The following DNAH3 variants were observed in gnomAD, a reference collection of about 807,000 sequenced individuals.
DNAH3 encodes the protein axonemal beta dynein heavy chain 3.
Under a neutral mutation model 432.5 loss-of-function variants are expected in DNAH3, and 332 were observed. That is an observed-to-expected ratio of 0.77 (90% CI 0.70 to 0.84). DNAH3 has a LOEUF of 0.84. Ranked by LOEUF, DNAH3 falls within the 40% of genes least tolerant of loss-of-function variation. The probability of loss-of-function intolerance (pLI) is 0.00; values close to 1 mark genes in which losing one functional copy is unlikely to be tolerated. For synonymous variants in DNAH3, 1,956 were observed against 1,900.2 expected (o/e 1.03, Z -0.76); for missense variants, 4,861 against 5,114.0 (o/e 0.95, Z 1.51).
exon 43 of DNAH3, chr16:21,000,283 T>C: frequency 1.2e-6 from 2 of 1,614,132 alleles, no homozygotes; most frequent in African/African-American, 1.3e-5. Flanking sequence ...CCGTCGTCGA[T>C]CCAGCTTGGA....
intron 42 of DNAH3, among the ~76,000 whole-genome samples, chr16:21,001,823 G>A (rs1032994710): frequency 1.6e-4 from 24 of 152,160 alleles, no homozygotes; most frequent in African/African-American, 2.4e-5. Flanking sequence ...CTAAGACTGG[G>A]AGTTTAAAGC....
chr16:21,033,982 A>C lies in DNAH3; in HGVS notation c.5189T>G (p.Leu1730Ter). The C allele has an allele frequency of 6.2e-7, 1 of 1,613,170 alleles. No individual in the cohort carries two copies. ...AGGGATGTGAGCTTTACCTGCGTGTAAATCGCCGAGAGCTGCAGCCAACAC... is the reference window on the plus strand; with the variant it reads ...AGGGATGTGAGCTTTACCTGCGTGTCAATCGCCGAGAGCTGCAGCCAACAC... The change falls in exon 36 of 62, where the codon TTA becomes TGA. Residue 1730 changes from leucine to a stop codon, truncating the protein, a stop_gained. Transcript: ENST00000261383. LOFTEE classifies it high-confidence loss of function.
chr16:21,054,583 G>T, intron 27 of DNAH3, 49 bp from the exon 28 acceptor site: 2 of 1,393,360 alleles, frequency 1.4e-6, no homozygotes, highest in Non-Finnish European at 1.0e-6. Flanking sequence ...ACTCTCCTCT[G>T]GTAATCCCCA....
chr16:21,001,779 A>G (rs1324446260), intron 42 of DNAH3, among the ~76,000 whole-genome samples: 1 of 152,234 alleles, frequency 6.6e-6, no homozygotes, highest in African/African-American at 2.4e-5. Context: ...GTGAGGCTAA[A>G]TGCAGAACTA....
exon 46 of DNAH3, chr16:20,987,845 C>T (rs139680994): frequency 7.2e-5 from 117 of 1,613,996 alleles, no homozygotes; most frequent in Non-Finnish European, 9.1e-5. Context: ...AGCATCTTTC[C>T]GTACCTTGGG....
At chr16:21,146,075 T>C in exon 2 of DNAH3, 1 of 1,612,216 alleles carries the variant, frequency 6.2e-7, no homozygotes, top group Non-Finnish European at 8.5e-7. Context: ...ATGTATGGAG[T>C]CACTTTTGGC....
chr16:21,137,423 C>CTT lies in DNAH3; in HGVS notation c.697-912_697-911dup, dbSNP rs560633047. 2.8e-3 allele frequency among the ~76,000 whole-genome samples: 378 copies of CTT among 137,236 alleles called. 3 individuals carry two copies. The highest frequency in any genetic ancestry group is 8.5e-3 in the East Asian group (40 of 4,682). 90.0% of individuals were successfully genotyped at this position (137,236 alleles called of 152,430 possible). A position where few individuals can be genotyped will look rare whatever the true frequency, so the allele number is the denominator to read the frequency against. On this transcript the variant is annotated intron_variant, in intron 5 of 61. Transcript: ENST00000261383. ...CCAAAGTCCAAGATCTATTGTTGTTCTTTTTTTTTTTTTTTTGACACAGAA... is the reference window on the plus strand; with the variant it reads ...CCAAAGTCCAAGATCTATTGTTGTTCTTTTTTTTTTTTTTTTTTGACACAGAA...
chr16:21,117,234 C>G (rs79106276), exon 12 of DNAH3: 2 of 1,609,592 alleles, frequency 1.2e-6, no homozygotes, highest in African/African-American at 2.7e-5. Flanking sequence ...TTCTGAAATA[C>G]CTTGAAAGTT....
chr16:21,099,084 TATTC>T (rs1312546463), intron 16 of DNAH3, among the ~76,000 whole-genome samples: 1 of 152,228 alleles, frequency 6.6e-6, no homozygotes, highest in Non-Finnish European at 1.5e-5. Flanking sequence ...ACATACTGTT[TATTC>T]ATTCAGCCAT....
At chr16:20,938,298 T>G (rs887869508) in intron 59 of DNAH3, among the ~76,000 whole-genome samples, 36 of 151,514 alleles carry the variant, frequency 2.4e-4, no homozygotes, top group African/African-American at 7.8e-4. Flanking sequence ...GGCAGGAGAA[T>G]CGCTTGAACC....
intron 44 of DNAH3, among the ~76,000 whole-genome samples, chr16:20,993,157 C>T (rs1283678180): frequency 6.6e-6 from 1 of 152,126 alleles, no homozygotes; most frequent in Non-Finnish European, 1.5e-5. Context: ...TGAGCCACTG[C>T]CCCCAGCCCT....
At chr16:21,139,776 C>CTTTTTT (rs71275930) in intron 5 of DNAH3, among the ~76,000 whole-genome samples, 81 of 86,160 alleles carry the variant, frequency 9.4e-4, no homozygotes, top group East Asian at 1.6e-3. Context: ...CCACCTCATT[C>CTTTTTT]TTTTTTTTTT....
At chr16:20,977,890 T>C (rs2085669091) in intron 50 of DNAH3, among the ~76,000 whole-genome samples, 1 of 152,202 alleles carries the variant, frequency 6.6e-6, no homozygotes, top group Non-Finnish European at 1.5e-5. Context: ...CAGACTTCAC[T>C]TTCAACATCT....
chr16:20,984,511 T>G (rs191940439), intron 48 of DNAH3, among the ~76,000 whole-genome samples: 147 of 152,234 alleles, frequency 9.7e-4, no homozygotes, highest in Non-Finnish European at 1.8e-3. Context: ...AAACCCGAGA[T>G]GTCATTCTGT....
intron 58 of DNAH3, among the ~76,000 whole-genome samples, chr16:20,944,135 G>A (rs2083935286): frequency 6.6e-6 from 1 of 150,536 alleles, no homozygotes; most frequent in Admixed American, 6.6e-5. Flanking sequence ...GTTCTGATGT[G>A]CAATCTTTTA....
intron 16 of DNAH3, among the ~76,000 whole-genome samples, chr16:21,099,718 CA>C (rs930888471): frequency 1.3e-5 from 2 of 151,610 alleles, no homozygotes; most frequent in Non-Finnish European, 2.9e-5. Context: ...ACAACAATAA[CA>C]AAAAAAAGCT....
At chr16:21,156,527 C>T (rs1050219366) in intron 1 of DNAH3, among the ~76,000 whole-genome samples, 6 of 152,066 alleles carry the variant, frequency 3.9e-5, no homozygotes, top group Non-Finnish European at 1.5e-5. Context: ...CCACTGGGAT[C>T]TCTTTTATAA....
chr16:21,000,552 T>C, intron 42 of DNAH3, 34 bp from the exon 43 acceptor site: 1 of 1,554,762 alleles, frequency 6.4e-7, no homozygotes, highest in Non-Finnish European at 8.7e-7. Flanking sequence ...GTCTCGGTTG[T>C]GGGCCCAGGA....
At chr16:21,041,824 C>T (rs1000947998) in intron 32 of DNAH3, among the ~76,000 whole-genome samples, 1 of 152,148 alleles carries the variant, frequency 6.6e-6, no homozygotes, top group African/African-American at 2.4e-5. Flanking sequence ...AGGTACATGC[C>T]ACCATGCCCG....
Sources: allele counts gnomAD v4.1 joint callset (sites outside exome capture counted in the v4.1 genomes callset), GRCh38; gene constraint gnomAD v4.1.1; transcripts MANE v1.5; gene names NCBI Gene and HGNC (gene_info 2026-07-23, HGNC 2026-07-21).